AGBL4: variants seen among roughly 807,000 people sequenced by gnomAD.
AGBL4 encodes the protein cytosolic carboxypeptidase 6.
Under a neutral mutation model 66.4 loss-of-function variants are expected in AGBL4, and 58 were observed. The ratio of observed to expected loss-of-function variants is 0.87; its 90% CI spans 0.71 to 1.09. AGBL4 has a LOEUF of 1.09. Ranked by LOEUF, AGBL4 falls within the 50% of genes least tolerant of loss-of-function variation. The pLI, the probability that AGBL4 is intolerant of heterozygous loss-of-function variation, is 0.00. For missense variants in AGBL4, 579 were observed against 631.0 expected (o/e 0.92, Z 0.88); for synonymous variants, 234 against 222.9 (o/e 1.05, Z -0.44).
At position 48,664,071 on chromosome 1, in the gene AGBL4, C is replaced by T. The variant is rs1468399685; in HGVS notation, c.635-830G>A. ...AGAAGGAAAACAAATGAGATATGCC[C>T]TATGATTGCCCTGGCTTTTTGCCTG... On this transcript the variant is annotated intron_variant, in intron 6 of 13. Transcript: ENST00000371839. 7.9e-5 allele frequency among the ~76,000 whole-genome samples: 12 copies of T among 152,240 alleles called. No individual in the cohort carries two copies. The South Asian group carries it at 2.5e-3, about 32-fold the overall frequency.
chr1:48,969,595 C>T (rs1571126857), intron 5 of AGBL4, among the ~76,000 whole-genome samples: 2 of 152,032 alleles, frequency 1.3e-5, no homozygotes, highest in African/African-American at 4.8e-5. Context: ...CTTTCACCCT[C>T]CCTCCCTTAT....
chr1:48,988,655 C>A (rs531920014), intron 5 of AGBL4, among the ~76,000 whole-genome samples: 3 of 152,104 alleles, frequency 2.0e-5, no homozygotes, highest in Non-Finnish European at 2.9e-5. Flanking sequence ...CAAATTATGC[C>A]GCACTCTCTT....
At chr1:48,903,475 G>T (rs567134438) in intron 5 of AGBL4, among the ~76,000 whole-genome samples, 1 of 152,232 alleles carries the variant, frequency 6.6e-6, no homozygotes, top group East Asian at 1.9e-4. Context: ...TATCCACTGA[G>T]AGCTCCCTAC....
intron 3 of AGBL4, among the ~76,000 whole-genome samples, chr1:49,652,120 C>G (rs920508692): frequency 5.3e-5 from 8 of 152,210 alleles, no homozygotes; most frequent in African/African-American, 1.9e-4. Context: ...GCCAGTCTTT[C>G]TAATTAGCCC....
rs72893711 is a variant in AGBL4, at chr1:48,879,966, T to C, written c.595-12736A>G. 1.6e-3 allele frequency among the ~76,000 whole-genome samples: 239 copies of C among 152,310 alleles called. 4 individuals carry two copies. Among genetic ancestry groups the C allele is most frequent in the African/African-American group, 5.6e-3 (232 of 41,570 alleles). ...CATCTCAATATTTTCTTTTTTACAT[T>C]TTTAAAAAATGTTCATAGGTTATTG... is the stretch of plus-strand genomic sequence containing the variant. On this transcript the variant is annotated intron_variant, in intron 5 of 13. Coordinates refer to ENST00000371839, the MANE Select transcript of AGBL4 (RefSeq NM_032785.4).
chr1:49,266,702 G>C (rs1643928608), intron 3 of AGBL4, among the ~76,000 whole-genome samples: 1 of 152,152 alleles, frequency 6.6e-6, no homozygotes, highest in African/African-American at 2.4e-5. Context: ...GGACTGGCCA[G>C]GCAGTAGAGA....
intron 2 of AGBL4, among the ~76,000 whole-genome samples, chr1:49,770,744 T>TTGTA (rs1644033192): frequency 6.6e-6 from 1 of 152,184 alleles, no homozygotes; most frequent in African/African-American, 2.4e-5. Flanking sequence ...ACGTGCTATG[T>TTGTA]TGTATGTATT....
intron 11 of AGBL4, among the ~76,000 whole-genome samples, chr1:48,566,609 G>A (rs1253075861): frequency 1.8e-4 from 27 of 152,182 alleles, no homozygotes; most frequent in Admixed American, 1.8e-3. Flanking sequence ...TTTCTGTGAG[G>A]GTGCTTGTGG....
chr1:48,721,518 T>G (rs1647149688), intron 6 of AGBL4, among the ~76,000 whole-genome samples: 1 of 152,178 alleles, frequency 6.6e-6, no homozygotes, highest in Non-Finnish European at 1.5e-5. Context: ...ACGGGCTCAC[T>G]AAGGATTTCT....
intron 1 of AGBL4, among the ~76,000 whole-genome samples, chr1:49,955,088 A>G (rs1656483142): frequency 6.6e-6 from 1 of 151,970 alleles, no homozygotes; most frequent in Non-Finnish European, 1.5e-5. Context: ...AAGAGTATAT[A>G]AGACCCAACT....
chr1:48,649,576 G>C (rs1404869312), intron 8 of AGBL4, among the ~76,000 whole-genome samples: 2 of 152,168 alleles, frequency 1.3e-5, no homozygotes, highest in Non-Finnish European at 2.9e-5. Context: ...AAATGTTGCT[G>C]TTCTTTAACA....
intron 3 of AGBL4, among the ~76,000 whole-genome samples, chr1:49,364,550 T>C (rs1644205859): frequency 6.6e-6 from 1 of 151,888 alleles, no homozygotes; most frequent in South Asian, 2.1e-4. Context: ...AGATCTCAGC[T>C]TGCTGCAACC....
At chr1:49,279,616 C>T (rs1644237095) in intron 3 of AGBL4, among the ~76,000 whole-genome samples, 1 of 151,530 alleles carries the variant, frequency 6.6e-6, no homozygotes, top group African/African-American at 2.4e-5. Flanking sequence ...AGGAAAATTA[C>T]TTGCTGTCTC....
intron 4 of AGBL4, among the ~76,000 whole-genome samples, chr1:49,207,533 T>TC (rs1478338034): frequency 2.5e-4 from 29 of 118,110 alleles, no homozygotes; most frequent in Admixed American, 1.3e-3. Context: ...CTCTCTTTCT[T>TC]TTTCTTTCTT....
chr1:49,980,278 C>T (rs1402970349), intron 1 of AGBL4, among the ~76,000 whole-genome samples: 1 of 152,042 alleles, frequency 6.6e-6, no homozygotes, highest in Non-Finnish European at 1.5e-5. Context: ...TAAAATTTCA[C>T]ATCTTAATGA....
rs190244645 is a variant in AGBL4, at chr1:49,618,317, G to T, written c.282+78996C>A. On this transcript the variant is annotated intron_variant, in intron 3 of 13. Transcript: ENST00000371839. ...GCAAACAGTGCTGCAATAAACATGT[G>T]TGGATGTGCCTTTACAGGAGAATGA... Among the ~76,000 whole-genome samples, 35 of 152,264 alleles carry T rather than the reference G, an allele frequency of 2.3e-4. 1 individual carries two copies. The East Asian group carries it at 4.8e-3, about 21-fold the overall frequency.
chr1:48,841,400 A>C (rs74079705), intron 6 of AGBL4, among the ~76,000 whole-genome samples: 2,199 of 103,066 alleles, frequency 0.021, 92 homozygotes, highest in East Asian at 0.12. Context: ...TTACTACAAA[A>C]CCCCCCCCCC....
At chr1:49,191,228 A>C (rs915263538) in intron 4 of AGBL4, among the ~76,000 whole-genome samples, 1 of 152,160 alleles carries the variant, frequency 6.6e-6, no homozygotes, top group Non-Finnish European at 1.5e-5. Context: ...CTCTAAATCA[A>C]TGTCTCCCAC....
At chr1:49,422,335 T>G (rs1339352864) in intron 3 of AGBL4, among the ~76,000 whole-genome samples, 1 of 152,202 alleles carries the variant, frequency 6.6e-6, no homozygotes, top group Non-Finnish European at 1.5e-5. Flanking sequence ...TTAAAATTTG[T>G]GGTTTCTATG....
Sources: allele counts gnomAD v4.1 joint callset (sites outside exome capture counted in the v4.1 genomes callset), GRCh38; gene constraint gnomAD v4.1.1; transcripts MANE v1.5; gene names NCBI Gene and HGNC (gene_info 2026-07-23, HGNC 2026-07-21).